UCK2: variants seen among roughly 807,000 people sequenced by gnomAD.
UCK2 encodes cytidine monophosphokinase 2.
In UCK2, 6 loss-of-function variants were observed where a neutral mutation model predicts 30.8. The observed-to-expected ratio is 0.19, with a 90% CI of 0.11 to 0.38. The LOEUF is 0.38. Ranked by LOEUF, UCK2 falls within the 10% of genes least tolerant of loss-of-function variation. The pLI is 1.00. For synonymous variants in UCK2, 125 were observed against 133.6 expected (o/e 0.94, Z 0.45); for missense variants, 210 against 339.8 (o/e 0.62, Z 3.00).
chr1:165,860,866 A>G (rs1013447582), intron 1 of UCK2, among the ~76,000 whole-genome samples: 3 of 152,218 alleles, frequency 2.0e-5, no homozygotes, highest in Non-Finnish European at 4.4e-5. Flanking sequence ...CCAAGTCTGC[A>G]TGATTTGCCT....
chr1:165,855,298 C>T (rs758973079), intron 1 of UCK2, among the ~76,000 whole-genome samples: 18 of 152,138 alleles, frequency 1.2e-4, no homozygotes, highest in Non-Finnish European at 2.4e-4. Context: ...AACACCTATT[C>T]CTAGTTCTTG....
At chr1:165,884,668 G>C (rs1358907727) in intron 1 of UCK2, among the ~76,000 whole-genome samples, 1 of 152,212 alleles carries the variant, frequency 6.6e-6, no homozygotes, top group Non-Finnish European at 1.5e-5. Flanking sequence ...TTATGGATTA[G>C]CTCCTGGAAG....
chr1:165,890,701 T>C, intron 2 of UCK2: 1 of 298,796 alleles, frequency 3.3e-6, no homozygotes, highest in East Asian at 7.3e-5. Flanking sequence ...CGTCAGACCC[T>C]CCTCCTCAGG....
At chr1:165,866,064 A>G (rs1655038067) in intron 1 of UCK2, among the ~76,000 whole-genome samples, 1 of 151,962 alleles carries the variant, frequency 6.6e-6, no homozygotes, top group Non-Finnish European at 1.5e-5. Context: ...AGGAGCAGGG[A>G]GCAAAGGTAC....
At chr1:165,846,132 A>C (rs2101855070) in intron 1 of UCK2, among the ~76,000 whole-genome samples, 1 of 152,182 alleles carries the variant, frequency 6.6e-6, no homozygotes, top group East Asian at 1.9e-4. Context: ...TCTCTACAGA[A>C]AATTAAAAAA....
In UCK2 at chr1:165,828,103, C is replaced by CG. The variant is rs143863367; in HGVS notation, c.99+173dup. Among the ~76,000 whole-genome samples the CG allele has an allele frequency of 8.9e-3, 1,345 of 151,028 alleles. 40 individuals are homozygous for CG. The highest frequency in any genetic ancestry group is 0.067 in the East Asian group (343 of 5,116). ...CGCCCCGCGCGGCCTGGGGGCGCTG[C>CG]GGCGGGGGCAGGCGAAGACTCGGGC... On this transcript the variant is annotated intron_variant, in intron 1 of 6. Coordinates refer to ENST00000367879, the MANE Select transcript of UCK2 (RefSeq NM_012474.5).
chr1:165,862,148 A>G (rs903891384), intron 1 of UCK2, among the ~76,000 whole-genome samples: 3 of 152,088 alleles, frequency 2.0e-5, no homozygotes, highest in African/African-American at 4.8e-5. Context: ...GCTCTCATCA[A>G]TCTCTTTGTT....
intron 1 of UCK2, among the ~76,000 whole-genome samples, chr1:165,867,572 A>G (rs1249762896): frequency 6.6e-6 from 1 of 152,258 alleles, no homozygotes; most frequent in African/African-American, 2.4e-5. Flanking sequence ...TGCCCACAGC[A>G]TTTTCAGCAT....
chr1:165,882,062 C>T (rs1366924623), intron 1 of UCK2, among the ~76,000 whole-genome samples: 4 of 152,112 alleles, frequency 2.6e-5, no homozygotes, highest in Non-Finnish European at 5.9e-5. Context: ...TGTGGGTTTC[C>T]CTCTCCTGGG....
chr1:165,879,046 A>G (rs568525073), intron 1 of UCK2, among the ~76,000 whole-genome samples: 1 of 152,222 alleles, frequency 6.6e-6, no homozygotes, highest in African/African-American at 2.4e-5. Context: ...TTTAATTTGC[A>G]TTTCCCTGAT....
rs1232924254 is a variant in UCK2 at position 165,890,195 on chromosome 1, T to A, written c.100-9T>A. On this transcript the variant is annotated splice_polypyrimidine_tract_variant and intron_variant, in intron 1 of 6. Transcript: ENST00000367879. Reference sequence around the variant, plus strand: ...TCTTATTCCTGGGTGCTCTCTTCTCTCCTCACAGTCTTCCGTGTGTGCTAA... The same window carrying A: ...TCTTATTCCTGGGTGCTCTCTTCTCACCTCACAGTCTTCCGTGTGTGCTAA... The A allele has an allele frequency of 6.2e-7, 1 of 1,613,768 alleles. No individual in the cohort carries two copies. Among genetic ancestry groups the A allele is most frequent in the African/African-American group, 1.3e-5 (1 of 74,876 alleles).
intron 1 of UCK2, among the ~76,000 whole-genome samples, chr1:165,850,425 C>A (rs1239294259): frequency 6.7e-6 from 1 of 149,214 alleles, no homozygotes; most frequent in Non-Finnish European, 1.5e-5. Flanking sequence ...CCACCGTGCC[C>A]GGCCTTATTT....
rs113200805 is a variant in UCK2, at chr1:165,861,660, C to G, written c.100-28544C>G. Among the ~76,000 whole-genome samples, 5 of 27,224 alleles carry G rather than the reference C, an allele frequency of 1.8e-4. 2 individuals carry two copies. Among genetic ancestry groups the G allele is most frequent in the South Asian group, 2.0e-3 (1 of 498 alleles). 17.9% of individuals were successfully genotyped at this position (27,224 alleles called of 152,430 possible). ...AAAAAAAAAAAAAAACAAAAAAAAA[C>G]AACAGTAAAACTCAATAGCTCTGGT... On this transcript the variant is annotated intron_variant, in intron 1 of 6. Coordinates refer to ENST00000367879, the MANE Select transcript of UCK2 (RefSeq NM_012474.5).
chr1:165,896,468 C>T lies in UCK2; in HGVS notation c.499+136C>T, dbSNP rs1430246979. On this transcript the variant is annotated intron_variant, in intron 4 of 6. Coordinates refer to ENST00000367879, the MANE Select transcript of UCK2 (RefSeq NM_012474.5). ...TGAGGCAGCTGTGTGTCGCATGGTC[C>T]AGCCCGGCTGCGTCAGTCCAGCCCC... 4.1e-6 allele frequency: 4 copies of T among 987,244 alleles called. No homozygotes were observed. In the African/African-American group the frequency reaches 4.8e-5, roughly 12 times the overall value. The allele number at this position is 987,244 out of a possible 1,614,324, so 61.2% of individuals were successfully genotyped here.
In UCK2 at chr1:165,892,392, G is replaced by A. The variant is rs562932885; in HGVS notation, c.356+1070G>A. The stretch of plus-strand genomic sequence containing the variant: ...GACAAAATAGTCCCCACTGACTCTA[G>A]CCTGAGGCACTGGAGCAGAAGCTGG... On this transcript the variant is annotated intron_variant, in intron 3 of 6. Coordinates refer to ENST00000367879, the MANE Select transcript of UCK2 (RefSeq NM_012474.5). Among the ~76,000 whole-genome samples the A allele has an allele frequency of 2.6e-5, 4 of 152,234 alleles. No individual in the cohort carries two copies. The East Asian group carries it at 5.8e-4, about 22-fold the overall frequency.
At chr1:165,873,987 T>C (rs1465793282) in intron 1 of UCK2, among the ~76,000 whole-genome samples, 6 of 152,224 alleles carry the variant, frequency 3.9e-5, no homozygotes, top group Non-Finnish European at 8.8e-5. Context: ...AGTGTAAACA[T>C]AGGTAATGAC....
intron 1 of UCK2, among the ~76,000 whole-genome samples, chr1:165,873,544 A>G (rs757834709): frequency 6.6e-6 from 1 of 152,150 alleles, no homozygotes; most frequent in East Asian, 1.9e-4. Context: ...GTGATTCTTT[A>G]TATCTTCCTG....
intron 5 of UCK2, among the ~76,000 whole-genome samples, chr1:165,904,781 T>G (rs1052348973): frequency 6.6e-6 from 1 of 152,182 alleles, no homozygotes; most frequent in African/African-American, 2.4e-5. Flanking sequence ...GCCCACATGC[T>G]TGAGGTGTGG....
At chr1:165,906,080 T>C (rs1647649290) in intron 6 of UCK2, 111 bp downstream of exon 6, 2 of 992,976 alleles carry the variant, frequency 2.0e-6, no homozygotes, top group Non-Finnish European at 3.1e-6. Context: ...GCTGCCCTGC[T>C]TGTCTGTGAT....
Sources: gnomAD v4.1 joint callset for allele counts (sites outside exome capture counted in the v4.1 genomes callset) on GRCh38, gnomAD v4.1.1 for gene constraint, MANE v1.5 for transcripts, NCBI Gene and HGNC (gene_info 2026-07-23, HGNC 2026-07-21) for gene names.